MTFR2: variants seen among roughly 807,000 people sequenced by gnomAD.
The protein encoded by MTFR2 is DUF729 domain-containing protein 1.
MTFR2 carries 44 observed loss-of-function variants against 41.2 expected under a neutral mutation model. That is an observed-to-expected ratio of 1.07 (90% CI 0.84 to 1.37). The LOEUF is 1.37. Ranked by LOEUF, MTFR2 falls within the 40% of genes most tolerant of loss-of-function variation. The pLI is 0.00. For missense variants in MTFR2, 452 were observed against 459.5 expected, an observed-to-expected ratio of 0.98 and a Z score of 0.15; for synonymous variants, 141 against 154.6, an observed-to-expected ratio of 0.91 and a Z score of 0.65.
At chr6:136,236,583 A>T (rs1188076086) in intron 6 of MTFR2, among the ~76,000 whole-genome samples, 2 of 152,126 alleles carry the variant, frequency 1.3e-5, no homozygotes, top group Non-Finnish European at 2.9e-5. Context: ...CAAGTACAAG[A>T]TCTAGTTGGG....
intron 7 of MTFR2, 49 bp downstream of exon 7, chr6:136,233,276 A>C: frequency 6.6e-7 from 1 of 1,520,984 alleles, no homozygotes; most frequent in African/African-American, 1.4e-5. Flanking sequence ...AACATAAACA[A>C]CACATCTGAG....
chr6:136,246,207 AT>A (rs1780207722), intron 2 of MTFR2, among the ~76,000 whole-genome samples: 1 of 152,070 alleles, frequency 6.6e-6, no homozygotes, highest in African/African-American at 2.4e-5. Context: ...TTCCATCCTA[AT>A]AAACTCTTGT....
intron 2 of MTFR2, 40 bp from the exon 3 acceptor site, chr6:136,244,909 T>G: frequency 7.2e-7 from 1 of 1,385,416 alleles, no homozygotes; most frequent in Non-Finnish European, 1.0e-6. Context: ...TGCACTCTGA[T>G]TAAGCATATT....
intron 2 of MTFR2, among the ~76,000 whole-genome samples, chr6:136,247,107 C>T (rs1360656816): frequency 2.0e-5 from 3 of 152,126 alleles, no homozygotes; most frequent in East Asian, 1.9e-4. Context: ...CCCAGCACTT[C>T]GGAAGGCCAA....
At chr6:136,242,481 G>GC (rs1352077369) in intron 4 of MTFR2, among the ~76,000 whole-genome samples, 2 of 152,158 alleles carry the variant, frequency 1.3e-5, no homozygotes, top group Non-Finnish European at 2.9e-5. Context: ...CACTTAATGT[G>GC]CTTAGAGCCT....
chr6:136,231,689 AAAAG>A (rs1229537967), intron 7 of MTFR2, among the ~76,000 whole-genome samples: 35 of 151,172 alleles, frequency 2.3e-4, no homozygotes, highest in African/African-American at 6.1e-4. Flanking sequence ...AAAAAAAAAA[AAAAG>A]AAGATTATCT....
At chr6:136,236,199 A>G (rs962250509) in intron 6 of MTFR2, among the ~76,000 whole-genome samples, 2 of 152,226 alleles carry the variant, frequency 1.3e-5, no homozygotes, top group African/African-American at 4.8e-5. Flanking sequence ...GAAGGTGGGA[A>G]GTACTCAGGT....
At position 136,237,873 on chromosome 6, in the gene MTFR2, C is replaced by G. The variant is rs565364462; in HGVS notation, c.869+1593G>C. Among the ~76,000 whole-genome samples, 3 of 151,800 alleles carry G rather than the reference C, an allele frequency of 2.0e-5. No homozygotes were observed. In the East Asian group the frequency reaches 5.8e-4, roughly 29 times the overall value. ...CATGCAAAGTAGTAAACTAATCTACCCTTTATGTTTCTCAGGAAGCTATAG... is the reference window on the plus strand; with the variant it reads ...CATGCAAAGTAGTAAACTAATCTACGCTTTATGTTTCTCAGGAAGCTATAG... On this transcript the variant is annotated intron_variant, in intron 6 of 7. Coordinates refer to ENST00000420702, the MANE Select transcript of MTFR2 (RefSeq NM_001099286.3).
chr6:136,236,606 C>G lies in MTFR2; in HGVS notation c.869+2860G>C, dbSNP rs12206008. Among the ~76,000 whole-genome samples the G allele has an allele frequency of 5.7e-4, 87 of 152,246 alleles. 2 individuals are homozygous for G. The highest frequency in any genetic ancestry group is 9.6e-4 in the Non-Finnish European group (65 of 68,026). The stretch of plus-strand genomic sequence containing the variant: ...AGATCTAGTTGGGACCAAGCATGCA[C>G]CTACAGCCATGAGATTCTTCTCAAC... On this transcript the variant is annotated intron_variant, in intron 6 of 7. Transcript: ENST00000420702.
chr6:136,235,195 C>T (rs1251627486), intron 6 of MTFR2, among the ~76,000 whole-genome samples: 1 of 151,406 alleles, frequency 6.6e-6, no homozygotes, highest in East Asian at 1.9e-4. Flanking sequence ...TGGCCTGATT[C>T]CTAGATCTTA....
rs199867572 is a variant in MTFR2, at chr6:136,239,643, G to C, written c.692C>G (p.Pro231Arg). The C allele has an allele frequency of 1.9e-6, 3 of 1,613,948 alleles. No individual in the cohort carries two copies. In the East Asian group the frequency reaches 6.7e-5, roughly 36 times the overall value. ...LQPPCFPPVQ[P>R]GSNNICDSDN... is the part of the protein sequence containing the mutation. Reference sequence around the variant, plus strand: ...TGAGTCACAAATATTATTAGATCCTGGTTGTACGGGAGGAAAACACGGTGG... The same window carrying C: ...TGAGTCACAAATATTATTAGATCCTCGTTGTACGGGAGGAAAACACGGTGG... Residue 231 changes from proline (P) to arginine (R), a missense_variant, in exon 6 of 8, where the codon CCA becomes CGA. Coordinates refer to ENST00000420702, the MANE Select transcript of MTFR2 (RefSeq NM_001099286.3).
At chr6:136,244,945 T>TA (rs1780176852) in intron 2 of MTFR2, 76 bp from the exon 3 acceptor site, 1 of 1,144,062 alleles carries the variant, frequency 8.7e-7, no homozygotes, top group South Asian at 1.5e-5. Context: ...AAAGGAGATG[T>TA]AAAAAAGACA....
chr6:136,237,836 A>AACATTTTT (rs1008477863), intron 6 of MTFR2, among the ~76,000 whole-genome samples: 5 of 152,126 alleles, frequency 3.3e-5, no homozygotes, highest in African/African-American at 1.2e-4. Flanking sequence ...AGAATAAAAG[A>AACATTTTT]ACATTTTTGG....
intron 3 of MTFR2, among the ~76,000 whole-genome samples, chr6:136,244,066 T>C (rs931190634): frequency 6.6e-6 from 1 of 152,088 alleles, no homozygotes; most frequent in African/African-American, 2.4e-5. Context: ...TACAAAAGAG[T>C]CAAAAATTTT....
At chr6:136,232,554 C>T in intron 7 of MTFR2, among the ~76,000 whole-genome samples, 1 of 152,188 alleles carries the variant, frequency 6.6e-6, no homozygotes, top group Non-Finnish European at 1.5e-5. Context: ...GGCCCTGTTA[C>T]ACTCTTGGAG....
At chr6:136,246,006 G>A (rs938448661) in intron 2 of MTFR2, among the ~76,000 whole-genome samples, 1 of 152,126 alleles carries the variant, frequency 6.6e-6, no homozygotes, top group African/African-American at 2.4e-5. Context: ...CCTATTACTA[G>A]TAGAATATTT....
At position 136,236,154 on chromosome 6, in the gene MTFR2, A is replaced by C. The variant is rs903363166; in HGVS notation, c.870-2655T>G. 3.9e-5 allele frequency among the ~76,000 whole-genome samples: 6 copies of C among 152,220 alleles called. No individual in the cohort carries two copies. In the South Asian group the frequency reaches 1.2e-3, roughly 32 times the overall value. ...GAATTCATATCAGAAAGGGGAGCAG[A>C]ACAACAGAACAACGGCTGAGAGTAC... is the stretch of plus-strand genomic sequence containing the variant. On this transcript the variant is annotated intron_variant, in intron 6 of 7. Transcript: ENST00000420702.
At position 136,248,571 on chromosome 6, in the gene MTFR2, A is replaced by C. The variant is rs192030288; in HGVS notation, c.63+466T>G. ...CCCCAGCCATGTGGAACTGTGAGTC[A>C]ATTAAACCTCTTTCCTTTATAAATT... On this transcript the variant is annotated intron_variant, in intron 2 of 7. Coordinates refer to ENST00000420702, the MANE Select transcript of MTFR2 (RefSeq NM_001099286.3). 4.7e-3 allele frequency: 734 copies of C among 155,984 alleles called. 7 individuals are homozygous for C. The highest frequency in any genetic ancestry group is 7.9e-3 in the Non-Finnish European group (560 of 70,792). 9.7% of individuals were successfully genotyped at this position (155,984 alleles called of 1,614,324 possible).
In MTFR2 at chr6:136,244,860, T is replaced by C. The variant is rs927592148; in HGVS notation, c.73A>G (p.Ile25Val). 1.2e-6 allele frequency: 2 copies of C among 1,606,000 alleles called. No individual in the cohort carries two copies. Among genetic ancestry groups the C allele is most frequent in the Admixed American group, 1.7e-5 (1 of 59,058 alleles). The change falls in exon 3 of 8, where the codon ATT becomes GTT. Residue 25 changes from isoleucine to valine, a missense_variant. Physicochemically the swap from Ile to Val is conservative, Grantham distance 29. Coordinates refer to ENST00000420702, the MANE Select transcript of MTFR2 (RefSeq NM_001099286.3). ...FGVPVEQVLLIWENKDYGSTR... is the reference protein window; with the variant it reads ...FGVPVEQVLLVWENKDYGSTR... The stretch of plus-strand genomic sequence containing the variant: ...GATCCATAGTCTTTATTTTCCCAAA[T>C]CAGCAAAACCTATTTTAAACATAAA...
Sources: allele counts gnomAD v4.1 joint callset (sites outside exome capture counted in the v4.1 genomes callset), GRCh38; gene constraint gnomAD v4.1.1; transcripts MANE v1.5; gene names NCBI Gene and HGNC (gene_info 2026-07-23, HGNC 2026-07-21).